NBAS: variants seen among roughly 807,000 people sequenced by gnomAD.
NBAS encodes NAG/BC035112 fusion.
NBAS carries 219 observed loss-of-function variants against 302.5 expected under a neutral mutation model. The observed-to-expected ratio is 0.72, with a 90% CI of 0.65 to 0.81. The LOEUF (loss-of-function observed/expected upper bound fraction) is 0.81, where lower values mean the gene tolerates loss of function less well. NBAS is among the 30% of genes least tolerant of loss of function. The probability of loss-of-function intolerance (pLI) is 0.00; values close to 1 mark genes in which losing one functional copy is unlikely to be tolerated. For missense variants in NBAS, 2,932 were observed against 2,841.6 expected (o/e 1.03, Z -0.72); for synonymous variants, 1,118 against 1,021.6 (o/e 1.09, Z -1.80).
chr2:14,842,626 A>G, the NBAS span, among the ~76,000 whole-genome samples: 1 of 152,024 alleles, frequency 6.6e-6, no homozygotes, highest in Non-Finnish European at 1.5e-5. Context: ...CCATAAAGAA[A>G]TACAAAACTT....
At chr2:15,387,247 T>G (rs1558293623) in intron 28 of NBAS, among the ~76,000 whole-genome samples, 1 of 152,066 alleles carries the variant, frequency 6.6e-6, no homozygotes, top group African/African-American at 2.4e-5. Flanking sequence ...TTTTGTATTT[T>G]TAGTAGAGAC....
At chr2:15,257,759 T>C (rs1668669342) in intron 44 of NBAS, among the ~76,000 whole-genome samples, 1 of 152,172 alleles carries the variant, frequency 6.6e-6, no homozygotes, top group African/African-American at 2.4e-5. Context: ...TTAACAAAAG[T>C]TTGCTATATG....
the NBAS span, among the ~76,000 whole-genome samples, chr2:14,917,620 C>T: frequency 6.6e-6 from 1 of 152,128 alleles, no homozygotes; most frequent in Non-Finnish European, 1.5e-5. Context: ...CATGGAGGGT[C>T]AAAACTGGGC....
chr2:15,147,541 A>G, the NBAS span, among the ~76,000 whole-genome samples: 1 of 152,076 alleles, frequency 6.6e-6, no homozygotes, highest in African/African-American at 2.4e-5. Context: ...GCTGTGAGCC[A>G]AGATCGCACC....
the NBAS span, among the ~76,000 whole-genome samples, chr2:14,916,355 A>C: frequency 1.3e-5 from 2 of 152,232 alleles, no homozygotes; most frequent in Non-Finnish European, 2.9e-5. Context: ...CTCAGGATGC[A>C]ATACAATACA....
chr2:14,918,884 G>A, the NBAS span, among the ~76,000 whole-genome samples: 1 of 152,264 alleles, frequency 6.6e-6, no homozygotes, highest in East Asian at 1.9e-4. Context: ...TGACATAGTG[G>A]TGATTGATGG....
intron 21 of NBAS, among the ~76,000 whole-genome samples, chr2:15,432,256 T>C (rs12692266): frequency 0.6 from 90,984 of 150,488 alleles, 28,484 homozygotes; most frequent in Non-Finnish European, 0.68. Flanking sequence ...AGTCTTAAGA[T>C]TTAAATACAT....
intron 31 of NBAS, among the ~76,000 whole-genome samples, chr2:15,371,145 C>T (rs1323670937): frequency 2.0e-5 from 3 of 152,128 alleles, no homozygotes; most frequent in Admixed American, 6.5e-5. Context: ...GGTTTAAAAG[C>T]GCGGCACTTC....
At chr2:15,088,212 C>T in the NBAS span, among the ~76,000 whole-genome samples, 1 of 152,230 alleles carries the variant, frequency 6.6e-6, no homozygotes, top group South Asian at 2.1e-4. Context: ...AAAAGGTAGT[C>T]ATGCTGGTTG....
At chr2:15,509,522 T>C (rs1662040543) in intron 10 of NBAS, among the ~76,000 whole-genome samples, 2 of 152,216 alleles carry the variant, frequency 1.3e-5, no homozygotes, top group African/African-American at 2.4e-5. Context: ...ACTACTACTT[T>C]GTTGGGTTAA....
chr2:15,334,750 A>G (rs1324788649), intron 35 of NBAS, among the ~76,000 whole-genome samples: 1 of 152,190 alleles, frequency 6.6e-6, no homozygotes, highest in East Asian at 1.9e-4. Context: ...TGTTTAATCC[A>G]TGGTATCCTC....
intron 31 of NBAS, among the ~76,000 whole-genome samples, chr2:15,370,222 T>C (rs1238535241): frequency 6.6e-6 from 1 of 152,202 alleles, no homozygotes; most frequent in African/African-American, 2.4e-5. Context: ...CTAGGCAACC[T>C]AGGCAAGTTA....
At chr2:14,952,687 T>C in the NBAS span, among the ~76,000 whole-genome samples, 1 of 152,090 alleles carries the variant, frequency 6.6e-6, no homozygotes, top group African/African-American at 2.4e-5. Flanking sequence ...TTAATTGTGG[T>C]TTTAGGATAA....
At chr2:14,900,112 C>CTT in the NBAS span, among the ~76,000 whole-genome samples, 21 of 140,642 alleles carry the variant, frequency 1.5e-4, no homozygotes, top group African/African-American at 2.9e-4. Flanking sequence ...AAGTCACATG[C>CTT]TTTTTTTTTT....
chr2:15,553,977 C>T, intron 4 of NBAS, 84 bp downstream of exon 4: 2 of 1,196,092 alleles, frequency 1.7e-6, no homozygotes, highest in Non-Finnish European at 2.5e-6. Context: ...AGACTGAAAG[C>T]CACAAGCATT....
chr2:15,081,750 G>A, the NBAS span, among the ~76,000 whole-genome samples: 2,986 of 152,286 alleles, frequency 0.02, 79 homozygotes, highest in African/African-American at 0.06. Context: ...CCCTTAGTTC[G>A]CTGGTCAACC....
chr2:15,229,068 G>A lies in NBAS; in HGVS notation c.6236+3354C>T, dbSNP rs147309067. ...TTCATTGAAACATTACAGGTTGGGCGTTGTGGCTCATGCCTGTAATCCCAG... is the reference window on the plus strand; with the variant it reads ...TTCATTGAAACATTACAGGTTGGGCATTGTGGCTCATGCCTGTAATCCCAG... On this transcript the variant is annotated intron_variant, in intron 47 of 51. Coordinates refer to ENST00000281513, the MANE Select transcript of NBAS (RefSeq NM_015909.4). Among the ~76,000 whole-genome samples the A allele has an allele frequency of 7.1e-3, 1,078 of 152,168 alleles. 8 individuals are homozygous for A. Among genetic ancestry groups the A allele is most frequent in the African/African-American group, 0.024 (988 of 41,528 alleles).
chr2:15,014,326 C>T, the NBAS span, among the ~76,000 whole-genome samples: 1 of 152,062 alleles, frequency 6.6e-6, no homozygotes, highest in African/African-American at 2.4e-5. Context: ...ATTGCACCCA[C>T]CAGCTGCATA....
At chr2:15,308,918 T>G (rs1671150981) in intron 39 of NBAS, among the ~76,000 whole-genome samples, 1 of 152,200 alleles carries the variant, frequency 6.6e-6, no homozygotes, top group Non-Finnish European at 1.5e-5. Context: ...TACCTAATGC[T>G]AGATGACGAG....
Sources: gnomAD v4.1 joint callset for allele counts (sites outside exome capture counted in the v4.1 genomes callset) on GRCh38, gnomAD v4.1.1 for gene constraint, MANE v1.5 for transcripts, NCBI Gene and HGNC (gene_info 2026-07-23, HGNC 2026-07-21) for gene names.